XYLT1: variants seen among roughly 807,000 people sequenced by gnomAD.
XYLT1 encodes xylosyltransferase 1, also known as beta-D-xylosyltransferase 1.
XYLT1 carries 36 observed loss-of-function variants against 91.3 expected under a neutral mutation model. The observed-to-expected ratio is 0.39, with a 90% CI of 0.30 to 0.52. The LOEUF is 0.52. Ranked by LOEUF, XYLT1 falls within the 20% of genes least tolerant of loss-of-function variation. The pLI is 0.68. For missense variants in XYLT1, 1,242 were observed against 1,284.5 expected (o/e 0.97, Z 0.51); for synonymous variants, 588 against 532.0 (o/e 1.11, Z -1.45).
intron 1 of XYLT1, among the ~76,000 whole-genome samples, chr16:17,406,970 T>C (rs1414750778): frequency 1.3e-5 from 2 of 152,128 alleles, no homozygotes; most frequent in African/African-American, 4.8e-5. Flanking sequence ...CCCTTTTAAT[T>C]TGAAACCTTT....
At chr16:17,174,863 T>C (rs953965299) in intron 5 of XYLT1, among the ~76,000 whole-genome samples, 2 of 152,164 alleles carry the variant, frequency 1.3e-5, no homozygotes, top group African/African-American at 2.4e-5. Context: ...CTCCACCTCC[T>C]GGGTTGAAGC....
chr16:17,263,680 C>G (rs1443480430), intron 2 of XYLT1, among the ~76,000 whole-genome samples: 1 of 151,868 alleles, frequency 6.6e-6, no homozygotes, highest in Non-Finnish European at 1.5e-5. Flanking sequence ...GGCGTTCTCT[C>G]TGGCTTCCCC....
intron 1 of XYLT1, among the ~76,000 whole-genome samples, chr16:17,433,647 T>C (rs952651043): frequency 6.6e-6 from 1 of 152,204 alleles, no homozygotes; most frequent in African/African-American, 2.4e-5. Flanking sequence ...TGCTGGGTAG[T>C]TGAGCCTACC....
At chr16:17,119,762 G>A (rs4547318) in intron 10 of XYLT1, among the ~76,000 whole-genome samples, 101,144 of 152,000 alleles carry the variant, frequency 0.67, 34,289 homozygotes, top group Non-Finnish European at 0.72. Context: ...TGGTCAGAGG[G>A]GGCAGAGCCA....
At chr16:17,152,841 C>G (rs1399079932) in intron 6 of XYLT1, among the ~76,000 whole-genome samples, 1 of 152,196 alleles carries the variant, frequency 6.6e-6, no homozygotes, top group African/African-American at 2.4e-5. Flanking sequence ...GAAATGATAG[C>G]TGTTTCTCTT....
chr16:17,116,726 A>AT (rs1298080747), intron 11 of XYLT1, among the ~76,000 whole-genome samples: 1 of 152,162 alleles, frequency 6.6e-6, no homozygotes, highest in Admixed American at 6.5e-5. Context: ...ATACTAAAAC[A>AT]TTTTCTAAAC....
chr16:17,238,756 C>T (rs1194605860), intron 3 of XYLT1, among the ~76,000 whole-genome samples: 1 of 152,244 alleles, frequency 6.6e-6, no homozygotes, highest in Non-Finnish European at 1.5e-5. Flanking sequence ...TGTGTGGCAA[C>T]TTTAGGACTT....
intron 3 of XYLT1, chr16:17,250,968 G>T (rs1328778818): frequency 6.6e-6 from 1 of 152,198 alleles, no homozygotes; most frequent in Non-Finnish European, 1.5e-5. Flanking sequence ...GACAAATGGG[G>T]AAACTGAGGT....
intron 2 of XYLT1, among the ~76,000 whole-genome samples, chr16:17,287,625 C>G (rs1351194956): frequency 3.9e-5 from 6 of 152,212 alleles, no homozygotes; most frequent in Non-Finnish European, 7.3e-5. Flanking sequence ...CTCTGGGGAG[C>G]CCTCCCAGGG....
At chr16:17,214,973 A>C (rs887216121) in intron 3 of XYLT1, among the ~76,000 whole-genome samples, 1 of 152,198 alleles carries the variant, frequency 6.6e-6, no homozygotes, top group Non-Finnish European at 1.5e-5. Flanking sequence ...GCTAGGACTG[A>C]ATCGTGTCCC....
intron 5 of XYLT1, among the ~76,000 whole-genome samples, chr16:17,164,997 AC>A (rs1377775557): frequency 1.3e-5 from 2 of 152,206 alleles, no homozygotes; most frequent in African/African-American, 4.8e-5. Flanking sequence ...GGAGAAGTGC[AC>A]ACTCCACAGA....
At chr16:17,375,049 CCA>C (rs900681111) in intron 1 of XYLT1, among the ~76,000 whole-genome samples, 1 of 152,130 alleles carries the variant, frequency 6.6e-6, no homozygotes, top group African/African-American at 2.4e-5. Flanking sequence ...CCTGCAACAA[CCA>C]CAGCTATTAA....
At chr16:17,379,759 T>TTTCA (rs1555501193) in intron 1 of XYLT1, among the ~76,000 whole-genome samples, 3 of 117,940 alleles carry the variant, frequency 2.5e-5, no homozygotes, top group African/African-American at 3.9e-5. Context: ...TCTCTCTCTC[T>TTTCA]CTCTCACACA....
intron 2 of XYLT1, among the ~76,000 whole-genome samples, chr16:17,320,371 T>C (rs1253830068): frequency 6.6e-6 from 1 of 151,970 alleles, no homozygotes; most frequent in Non-Finnish European, 1.5e-5. Context: ...ATGAAGACCC[T>C]CAAACACACC....
chr16:17,220,451 C>T (rs969623809), intron 3 of XYLT1, among the ~76,000 whole-genome samples: 1 of 152,120 alleles, frequency 6.6e-6, no homozygotes, highest in Non-Finnish European at 1.5e-5. Flanking sequence ...ATTTGGGGAA[C>T]TCAGGTCAAT....
intron 9 of XYLT1, 72 bp downstream of exon 9, chr16:17,134,399 GGA>G: frequency 1.3e-6 from 2 of 1,561,184 alleles, no homozygotes; most frequent in South Asian, 2.4e-5. Context: ...AGAGGAAGAA[GGA>G]CCCCCACTCT....
chr16:17,326,274 G>C (rs1596483212), intron 2 of XYLT1, among the ~76,000 whole-genome samples: 1 of 152,258 alleles, frequency 6.6e-6, no homozygotes, highest in Middle Eastern at 3.4e-3. Flanking sequence ...TCGTCTTGCA[G>C]AACTGAAACT....
intron 11 of XYLT1, among the ~76,000 whole-genome samples, chr16:17,113,950 G>A (rs1160932620): frequency 1.3e-5 from 2 of 151,660 alleles, no homozygotes; most frequent in Non-Finnish European, 2.9e-5. Flanking sequence ...CCAGGAGGGT[G>A]GTGCACCCCA....
At chr16:17,402,619 CTT>C (rs371614596) in intron 1 of XYLT1, among the ~76,000 whole-genome samples, 4 of 152,106 alleles carry the variant, frequency 2.6e-5, no homozygotes, top group East Asian at 3.9e-4. Context: ...AGCTCTCTCT[CTT>C]GTCTCCATGG....
Sources: allele counts gnomAD v4.1 joint callset (sites outside exome capture counted in the v4.1 genomes callset), GRCh38; gene constraint gnomAD v4.1.1; transcripts MANE v1.5; gene names NCBI Gene and HGNC (gene_info 2026-07-23, HGNC 2026-07-21).